SLC9A9: variants seen among roughly 807,000 people sequenced by gnomAD.
SLC9A9 encodes the protein solute carrier family 9 member A9, also known as sodium/hydrogen exchanger 9.
Under a neutral mutation model 77.8 loss-of-function variants are expected in SLC9A9, and 62 were observed. The ratio of observed to expected loss-of-function variants is 0.80; its 90% CI spans 0.65 to 0.98. SLC9A9 has a LOEUF of 0.98. Among genes scored for constraint, SLC9A9 ranks in the 50% least tolerant of loss-of-function variants. The pLI is 0.00. For synonymous variants in SLC9A9, 320 were observed against 283.5 expected (o/e 1.13, Z -1.29); for missense variants, 775 against 774.9 (o/e 1.00, Z 0.00).
At chr3:143,276,266 T>C (rs1249804259) in intron 14 of SLC9A9, among the ~76,000 whole-genome samples, 2 of 152,196 alleles carry the variant, frequency 1.3e-5, no homozygotes, top group African/African-American at 4.8e-5. Flanking sequence ...TCAAAAACAT[T>C]CCAACTATAC....
chr3:143,569,624 A>G (rs946007503), intron 8 of SLC9A9, among the ~76,000 whole-genome samples: 5 of 152,042 alleles, frequency 3.3e-5, no homozygotes, highest in Admixed American at 2.0e-4. Flanking sequence ...GTTTGTGGAC[A>G]TATCATTCAC....
chr3:143,554,808 C>A (rs909550689), intron 8 of SLC9A9, among the ~76,000 whole-genome samples: 7 of 152,132 alleles, frequency 4.6e-5, no homozygotes, highest in Admixed American at 1.3e-4. Context: ...CCTTCCAGGT[C>A]CCACTGTTTG....
At chr3:143,501,593 A>C (rs1239578715) in intron 9 of SLC9A9, among the ~76,000 whole-genome samples, 1 of 151,004 alleles carries the variant, frequency 6.6e-6, no homozygotes, top group Non-Finnish European at 1.5e-5. Flanking sequence ...TATTCTTGCC[A>C]AAGTAGTTTT....
intron 12 of SLC9A9, among the ~76,000 whole-genome samples, chr3:143,406,807 C>T (rs2033991036): frequency 6.6e-6 from 1 of 151,722 alleles, no homozygotes; most frequent in Non-Finnish European, 1.5e-5. Flanking sequence ...AAAACCCTGT[C>T]TCTACTAAAA....
intron 5 of SLC9A9, among the ~76,000 whole-genome samples, chr3:143,658,477 G>A (rs2038930753): frequency 6.6e-6 from 1 of 152,054 alleles, no homozygotes; most frequent in South Asian, 2.1e-4. Flanking sequence ...TACATGTAGG[G>A]GATTTCTAAT....
intron 14 of SLC9A9, among the ~76,000 whole-genome samples, chr3:143,318,698 C>A (rs962984212): frequency 2.0e-5 from 3 of 152,140 alleles, no homozygotes; most frequent in Non-Finnish European, 4.4e-5. Flanking sequence ...CATTCCTGGG[C>A]CTTTACTCAA....
intron 12 of SLC9A9, among the ~76,000 whole-genome samples, chr3:143,407,568 A>T (rs753920605): frequency 4.6e-5 from 7 of 152,178 alleles, no homozygotes; most frequent in Non-Finnish European, 1.0e-4. Flanking sequence ...TGTTTTGTGC[A>T]GTTGTTCATC....
rs1039453888 is a variant in SLC9A9, at chr3:143,622,419, G to A, written c.755+29836C>T. Among the ~76,000 whole-genome samples, 136 of 152,122 alleles carry A rather than the reference G, an allele frequency of 8.9e-4. 1 individual carries two copies. The highest frequency in any genetic ancestry group is 2.6e-4 in the Non-Finnish European group (18 of 68,008). ...CCATCAGACTAACAGCTGATCTCTC[G>A]GCAGAAACTCTACAAGCCAGAAGAG... On this transcript the variant is annotated intron_variant, in intron 6 of 15. Transcript: ENST00000316549.
At chr3:143,587,808 G>T (rs1450709295) in intron 6 of SLC9A9, among the ~76,000 whole-genome samples, 1 of 152,172 alleles carries the variant, frequency 6.6e-6, no homozygotes, top group Non-Finnish European at 1.5e-5. Context: ...CATCAGCCTG[G>T]ATGCCACCAC....
rs77478401 is a variant in SLC9A9, at chr3:143,288,359, G to T, written c.1605-19379C>A. Among the ~76,000 whole-genome samples the T allele has an allele frequency of 9.8e-3, 1,495 of 152,220 alleles. 18 individuals carry two copies. The highest frequency in any genetic ancestry group is 0.034 in the African/African-American group (1,405 of 41,528). ...TGCTAAGTATAAATACGCAGCTCAGGTTCTACTTGTTCGCATTTTCGGGTC... is the reference window on the plus strand; with the variant it reads ...TGCTAAGTATAAATACGCAGCTCAGTTTCTACTTGTTCGCATTTTCGGGTC... On this transcript the variant is annotated intron_variant, in intron 14 of 15. Coordinates refer to ENST00000316549, the MANE Select transcript of SLC9A9 (RefSeq NM_173653.4).
intron 8 of SLC9A9, among the ~76,000 whole-genome samples, chr3:143,568,645 G>A (rs1377691484): frequency 6.6e-6 from 1 of 152,158 alleles, no homozygotes; most frequent in East Asian, 1.9e-4. Flanking sequence ...AAAGTGATCT[G>A]TTATTCAGGT....
At chr3:143,649,936 G>A (rs1359579699) in intron 6 of SLC9A9, among the ~76,000 whole-genome samples, 7 of 151,472 alleles carry the variant, frequency 4.6e-5, no homozygotes, top group Non-Finnish European at 3.0e-5. Context: ...CACACTTCAA[G>A]TACATAGAGT....
chr3:143,634,949 C>G (rs2038492257), intron 6 of SLC9A9, among the ~76,000 whole-genome samples: 1 of 151,962 alleles, frequency 6.6e-6, no homozygotes, highest in Non-Finnish European at 1.5e-5. Flanking sequence ...GTAGAGTAAG[C>G]TGAGGCTCAC....
At chr3:143,575,412 A>C (rs2037341567) in intron 7 of SLC9A9, among the ~76,000 whole-genome samples, 1 of 152,200 alleles carries the variant, frequency 6.6e-6, no homozygotes, top group South Asian at 2.1e-4. Flanking sequence ...CCTACCTCAG[A>C]GGTCTGTAAA....
intron 13 of SLC9A9, among the ~76,000 whole-genome samples, chr3:143,374,318 G>A (rs2033125911): frequency 6.6e-6 from 1 of 151,388 alleles, no homozygotes; most frequent in Non-Finnish European, 1.5e-5. Flanking sequence ...CCAGCTACTG[G>A]GGAGGCTGAG....
chr3:143,825,243 C>T (rs998235275), intron 2 of SLC9A9, among the ~76,000 whole-genome samples: 6 of 152,150 alleles, frequency 3.9e-5, no homozygotes, highest in African/African-American at 1.2e-4. Flanking sequence ...CCCAATGACT[C>T]TCTCTGCTCA....
intron 14 of SLC9A9, among the ~76,000 whole-genome samples, chr3:143,278,439 T>C (rs1188345437): frequency 6.6e-6 from 1 of 152,172 alleles, no homozygotes; most frequent in Non-Finnish European, 1.5e-5. Flanking sequence ...ATTTTGTCTA[T>C]TAGTTTCATA....
chr3:143,619,475 A>G (rs2038161611), intron 6 of SLC9A9, among the ~76,000 whole-genome samples: 1 of 152,252 alleles, frequency 6.6e-6, no homozygotes, highest in Non-Finnish European at 1.5e-5. Flanking sequence ...TAATGCAGAC[A>G]CATTTTCCAT....
intron 4 of SLC9A9, among the ~76,000 whole-genome samples, chr3:143,741,858 C>G (rs181264396): frequency 3.6e-4 from 55 of 152,162 alleles, no homozygotes; most frequent in African/African-American, 1.1e-3. Flanking sequence ...TCCAAGCTGC[C>G]CTTGTTCATT....
Sources: gnomAD v4.1 joint callset for allele counts (sites outside exome capture counted in the v4.1 genomes callset) on GRCh38, gnomAD v4.1.1 for gene constraint, MANE v1.5 for transcripts, NCBI Gene and HGNC (gene_info 2026-07-23, HGNC 2026-07-21) for gene names.